The following LRRTM3 variants were observed in gnomAD, a reference collection of about 807,000 sequenced individuals.
LRRTM3 encodes leucine rich repeat transmembrane neuronal 3, also known as leucine-rich repeat transmembrane neuronal protein 3.
In LRRTM3, 24 loss-of-function variants were observed where a neutral mutation model predicts 44.7. The observed-to-expected ratio is 0.54, with a 90% CI of 0.39 to 0.76. The LOEUF is 0.76. LRRTM3 is among the 30% of genes least tolerant of loss of function. LRRTM3 has a pLI of 0.00. For missense variants in LRRTM3, 587 were observed against 702.2 expected (o/e 0.84, Z 1.85); for synonymous variants, 277 against 278.7 (o/e 0.99, Z 0.06).
chr10:67,069,232 A>T (rs1249368265), intron 2 of LRRTM3, among the ~76,000 whole-genome samples: 2 of 152,062 alleles, frequency 1.3e-5, no homozygotes, highest in Non-Finnish European at 2.9e-5. Flanking sequence ...TGATCAAAGT[A>T]TACCCTTTTT....
chr10:66,980,143 A>T (rs968065115), intron 2 of LRRTM3, among the ~76,000 whole-genome samples: 8 of 152,298 alleles, frequency 5.3e-5, no homozygotes, highest in African/African-American at 1.9e-4. Flanking sequence ...TTTCTGAGCC[A>T]GGAAGGCAGA....
At chr10:66,973,891 G>A (rs568768900) in intron 2 of LRRTM3, among the ~76,000 whole-genome samples, 4 of 151,954 alleles carry the variant, frequency 2.6e-5, no homozygotes, top group South Asian at 4.2e-4. Flanking sequence ...CAAAGTGCTG[G>A]GATTACAGGC....
intron 2 of LRRTM3, among the ~76,000 whole-genome samples, chr10:67,011,005 T>C (rs1357613386): frequency 6.6e-6 from 1 of 152,106 alleles, no homozygotes; most frequent in African/African-American, 2.4e-5. Context: ...AATCTCATAT[T>C]ATTAAACTGA....
At chr10:66,977,256 G>A (rs983088147) in intron 2 of LRRTM3, among the ~76,000 whole-genome samples, 3 of 152,136 alleles carry the variant, frequency 2.0e-5, no homozygotes, top group Admixed American at 1.3e-4. Flanking sequence ...GGCCAACATG[G>A]TGAAACCCCG....
At chr10:66,959,178 C>T (rs1848988808) in intron 2 of LRRTM3, among the ~76,000 whole-genome samples, 1 of 152,158 alleles carries the variant, frequency 6.6e-6, no homozygotes, top group Non-Finnish European at 1.5e-5. Flanking sequence ...GCTTAGTGTC[C>T]TAATGCAGCA....
chr10:67,086,441 G>A (rs1288680096), intron 2 of LRRTM3, among the ~76,000 whole-genome samples: 4 of 152,006 alleles, frequency 2.6e-5, no homozygotes, highest in African/African-American at 9.7e-5. Flanking sequence ...TTATCAGTAA[G>A]TAATCATATC....
In LRRTM3 at chr10:66,995,199, A is replaced by T. The variant is rs74802562; in HGVS notation, c.1536+66747A>T. ...GATTTCCATACTCTCCTCCTTTTGTATTTCTCTCTCCGTGAATAGAACCAC... is the reference window on the plus strand; with the variant it reads ...GATTTCCATACTCTCCTCCTTTTGTTTTTCTCTCTCCGTGAATAGAACCAC... On this transcript the variant is annotated intron_variant, in intron 2 of 2. Coordinates refer to ENST00000361320, the MANE Select transcript of LRRTM3 (RefSeq NM_178011.5). 9.8e-3 allele frequency among the ~76,000 whole-genome samples: 1,483 copies of T among 152,100 alleles called. 36 individuals carry two copies. The highest frequency in any genetic ancestry group is 0.034 in the African/African-American group (1,410 of 41,506).
intron 2 of LRRTM3, among the ~76,000 whole-genome samples, chr10:67,069,260 C>T (rs1361096325): frequency 6.6e-6 from 1 of 151,848 alleles, no homozygotes; most frequent in South Asian, 2.1e-4. Flanking sequence ...ATTAGAGAAT[C>T]TCAGAATTAA....
At chr10:66,928,868 G>GA (rs1647821293) in intron 2 of LRRTM3, among the ~76,000 whole-genome samples, 1 of 152,228 alleles carries the variant, frequency 6.6e-6, no homozygotes, top group Non-Finnish European at 1.5e-5. Flanking sequence ...GGAAAGAGGT[G>GA]AATGATTCCA....
intron 2 of LRRTM3, among the ~76,000 whole-genome samples, chr10:66,951,219 GA>G (rs764088799): frequency 2.6e-5 from 4 of 151,516 alleles, no homozygotes; most frequent in Non-Finnish European, 5.9e-5. Flanking sequence ...GGGTTCAAGC[GA>G]TTCTCCTGCC....
chr10:67,058,542 C>T lies in LRRTM3; in HGVS notation c.1537-39045C>T, dbSNP rs996941593. On this transcript the variant is annotated intron_variant, in intron 2 of 2. Transcript: ENST00000361320. ...CTCCACTATATTCAGAACTGAGTGA[C>T]TGGCCCATGAACTATATCCCTCCTC... Among the ~76,000 whole-genome samples the T allele has an allele frequency of 3.9e-5, 6 of 152,270 alleles. 2 individuals carry two copies. The highest frequency in any genetic ancestry group is 3.3e-4 in the Admixed American group (5 of 15,288).
intron 2 of LRRTM3, among the ~76,000 whole-genome samples, chr10:66,943,100 A>C (rs1292278474): frequency 1.3e-5 from 2 of 152,200 alleles, no homozygotes; most frequent in Non-Finnish European, 2.9e-5. Flanking sequence ...TACTTCACAA[A>C]GCATTGGATT....
intron 2 of LRRTM3, among the ~76,000 whole-genome samples, chr10:67,067,825 ACT>A (rs1208418912): frequency 6.6e-6 from 1 of 152,196 alleles, no homozygotes; most frequent in Non-Finnish European, 1.5e-5. Context: ...AATAAGACAT[ACT>A]CTCAGTCTCA....
intron 2 of LRRTM3, among the ~76,000 whole-genome samples, chr10:67,061,300 A>ACATCAGGTG (rs1384596347): frequency 6.6e-6 from 1 of 152,178 alleles, no homozygotes; most frequent in Non-Finnish European, 1.5e-5. Context: ...CTAAGAAGTT[A>ACATCAGGTG]CATCAGGTGC....
Position 66,972,700 on chromosome 10 carries a change from A to ATTT in LRRTM3, c.1536+44272_1536+44274dup, listed in dbSNP as rs56664927. On this transcript the variant is annotated intron_variant, in intron 2 of 2. Coordinates refer to ENST00000361320, the MANE Select transcript of LRRTM3 (RefSeq NM_178011.5). ...ACAATTTAAAGGTTCTGTCAAATAG[A>ATTT]TTTTTTTTTTTTTTTTTTTTTTTTT... Among the ~76,000 whole-genome samples, 536 of 108,642 alleles carry ATTT rather than the reference A, an allele frequency of 4.9e-3. 9 individuals carry two copies. The highest frequency in any genetic ancestry group is 0.01 in the African/African-American group (304 of 29,584). 71.3% of individuals were successfully genotyped at this position (108,642 alleles called of 152,430 possible).
intron 2 of LRRTM3, among the ~76,000 whole-genome samples, chr10:67,029,298 C>G (rs1853578096): frequency 6.6e-6 from 1 of 152,130 alleles, no homozygotes; most frequent in South Asian, 2.1e-4. Context: ...TAAAACAAAT[C>G]CCAAATCCAT....
At chr10:67,042,759 G>A (rs1854482764) in intron 2 of LRRTM3, among the ~76,000 whole-genome samples, 1 of 152,078 alleles carries the variant, frequency 6.6e-6, no homozygotes, top group Admixed American at 6.6e-5. Context: ...GACTGAAAAT[G>A]TTTGCTGGAT....
At position 67,097,802 on chromosome 10, in the gene LRRTM3, A is replaced by G; in HGVS notation, c.*6A>G. On this transcript the variant is annotated 3_prime_UTR_variant, in exon 3 of 3. Coordinates refer to ENST00000361320, the MANE Select transcript of LRRTM3 (RefSeq NM_178011.5). ...ATAAACAGCAGCTAGCTTAACTGAG[A>G]TCATTGGTAGCCAGGGGTTGCTACC... 2 of 1,611,910 alleles carry G rather than the reference A, an allele frequency of 1.2e-6. No homozygotes were observed. The highest frequency in any genetic ancestry group is 1.7e-6 in the Non-Finnish European group (2 of 1,178,560).
intron 2 of LRRTM3, among the ~76,000 whole-genome samples, chr10:66,996,534 G>A (rs1851353272): frequency 6.6e-6 from 1 of 151,104 alleles, no homozygotes; most frequent in Non-Finnish European, 1.5e-5. Flanking sequence ...TGTAGTCCCA[G>A]CTACTCAGGA....
Sources: gnomAD v4.1 joint callset for allele counts (sites outside exome capture counted in the v4.1 genomes callset) on GRCh38, gnomAD v4.1.1 for gene constraint, MANE v1.5 for transcripts, NCBI Gene and HGNC (gene_info 2026-07-23, HGNC 2026-07-21) for gene names.